The following LUC7L2 variants were observed in gnomAD, a reference collection of about 807,000 sequenced individuals.
LUC7L2 encodes LUC7 like 2, pre-mRNA splicing factor, also known as putative RNA-binding protein Luc7-like 2.
A neutral mutation model predicts 52.8 loss-of-function variants in LUC7L2; 25 were observed. The observed-to-expected ratio is 0.47, with a 90% confidence interval of 0.34 to 0.66. The LOEUF (loss-of-function observed/expected upper bound fraction) is 0.66, where lower values mean the gene tolerates loss of function less well. Ranked by LOEUF, LUC7L2 falls within the 30% of genes least tolerant of loss-of-function variation. LUC7L2 has a pLI of 0.01. For missense variants in LUC7L2, 328 were observed against 497.8 expected (o/e 0.66, Z 3.25); for synonymous variants, 144 against 160.9 (o/e 0.89, Z 0.80).
At chr7:139,420,997 C>T (rs974696566) in intron 9 of LUC7L2, among the ~76,000 whole-genome samples, 5 of 152,170 alleles carry the variant, frequency 3.3e-5, no homozygotes, top group African/African-American at 9.7e-5. Flanking sequence ...ACGGGGGTTT[C>T]ACTATGTTGG....
At chr7:139,367,862 A>G (rs1374688887) in intron 1 of LUC7L2, among the ~76,000 whole-genome samples, 4 of 152,162 alleles carry the variant, frequency 2.6e-5, no homozygotes, top group African/African-American at 9.7e-5. Flanking sequence ...GATTTCACCA[A>G]CTGGTTCCAC....
At chr7:139,409,777 T>G (rs573391359) in intron 7 of LUC7L2, 123 bp downstream of exon 7, 318 of 1,329,296 alleles carry the variant, frequency 2.4e-4, no homozygotes, top group Non-Finnish European at 2.8e-4. Context: ...TCTGCTTACT[T>G]TAAAAAATAT....
In LUC7L2 at chr7:139,422,402, T is replaced by G; in HGVS notation, c.*62T>G. The G allele has an allele frequency of 3.3e-6, 5 of 1,537,318 alleles. No individual in the cohort carries two copies. Among genetic ancestry groups the G allele is most frequent in the Non-Finnish European group, 4.4e-6 (5 of 1,144,352 alleles). ...ACGGAGTTACGTACTATTGTTTAGT[T>G]CACAGCTGTTCAGGGTGACAGTGAG... On this transcript the variant is annotated 3_prime_UTR_variant, in exon 10 of 10. Transcript: ENST00000354926.
intron 1 of LUC7L2, among the ~76,000 whole-genome samples, chr7:139,370,951 G>C (rs929993093): frequency 6.6e-6 from 1 of 152,210 alleles, no homozygotes; most frequent in African/African-American, 2.4e-5. Context: ...CAAGCTTTAA[G>C]CTTTTGGTTG....
chr7:139,390,525 G>C (rs1285681722), intron 2 of LUC7L2, among the ~76,000 whole-genome samples: 3 of 151,250 alleles, frequency 2.0e-5, no homozygotes, highest in African/African-American at 7.3e-5. Context: ...CACTGCGTCT[G>C]GCCTAGTCTG....
chr7:139,371,600 A>G (rs1054122155), intron 1 of LUC7L2: 22 of 1,119,524 alleles, frequency 2.0e-5, no homozygotes, highest in Non-Finnish European at 2.5e-5. Flanking sequence ...CATGCAAAGT[A>G]TAAAATCATG....
At chr7:139,396,307 G>A (rs1376598137) in intron 2 of LUC7L2, among the ~76,000 whole-genome samples, 1 of 152,030 alleles carries the variant, frequency 6.6e-6, no homozygotes, top group Non-Finnish European at 1.5e-5. Context: ...ATGGTGGCGG[G>A]GGACGGTGGT....
intron 1 of LUC7L2, chr7:139,374,314 A>C (rs1349887919): frequency 1.1e-6 from 1 of 946,854 alleles, no homozygotes; most frequent in Non-Finnish European, 1.6e-6. Flanking sequence ...TACAGTCAAC[A>C]TGTACTTCTA....
rs973913506 is a variant in LUC7L2 at position 139,350,891 on chromosome 7, G to C, written c.-26+10374G>C. Among the ~76,000 whole-genome samples the C allele has an allele frequency of 2.2e-4, 33 of 152,124 alleles. 1 individual carries two copies. The highest frequency in any genetic ancestry group is 5.8e-4 in the East Asian group (3 of 5,170). ...GGGTTTCACCATGTTGGCCAGGCTG[G>C]TCTCCGACTACTGACCTCGTGATTT... On this transcript the variant is annotated intron_variant, in intron 1 of 10. Coordinates refer to the LUC7L2 transcript ENST00000541170.
chr7:139,393,060 A>T (rs1377778697), intron 2 of LUC7L2, among the ~76,000 whole-genome samples: 1 of 152,036 alleles, frequency 6.6e-6, no homozygotes, highest in African/African-American at 2.4e-5. Flanking sequence ...TGAGGTGAAG[A>T]GTTTTAGACC....
intron 6 of LUC7L2, 49 bp downstream of exon 6, chr7:139,407,399 G>C: frequency 6.5e-7 from 1 of 1,544,276 alleles, no homozygotes; most frequent in Non-Finnish European, 8.7e-7. Flanking sequence ...CTTTTGATCT[G>C]TATCAGTTGC....
upstream of LUC7L2, chr7:139,359,781 C>G (rs568306168): frequency 2.5e-6 from 1 of 399,586 alleles, no homozygotes; most frequent in Admixed American, 4.4e-5. Context: ...CGCGTGCACG[C>G]GCCCAGAGCC....
At chr7:139,418,652 G>T (rs1795737811) in intron 9 of LUC7L2, among the ~76,000 whole-genome samples, 1 of 152,006 alleles carries the variant, frequency 6.6e-6, no homozygotes, top group Non-Finnish European at 1.5e-5. Context: ...CTCACAAGCT[G>T]AGTTTGTTAA....
intron 2 of LUC7L2, among the ~76,000 whole-genome samples, chr7:139,394,690 T>C (rs6467847): frequency 0.37 from 55,559 of 152,146 alleles, 14,676 homozygotes; most frequent in African/African-American, 0.75. Context: ...AGTAGACAGC[T>C]GCTTTGAATC....
intron 1 of LUC7L2, among the ~76,000 whole-genome samples, chr7:139,354,721 A>G (rs1799557089): frequency 6.6e-6 from 1 of 152,224 alleles, no homozygotes; most frequent in Admixed American, 6.5e-5. Context: ...ACTTTGAGTG[A>G]GCTATAGGAC....
intron 1 of LUC7L2, chr7:139,341,275 A>C: frequency 3.4e-6 from 5 of 1,484,326 alleles, no homozygotes; most frequent in Admixed American, 2.1e-5. Context: ...GTCAGTCGAT[A>C]GGGGGAGTCG....
chr7:139,409,784 A>C, intron 7 of LUC7L2, 130 bp downstream of exon 7: 6 of 1,312,730 alleles, frequency 4.6e-6, no homozygotes, highest in Non-Finnish European at 5.9e-6. Context: ...ACTTTAAAAA[A>C]TATTACTGTG....
intron 1 of LUC7L2, among the ~76,000 whole-genome samples, chr7:139,347,040 T>C (rs1164749936): frequency 3.9e-5 from 6 of 152,206 alleles, no homozygotes; most frequent in Non-Finnish European, 8.8e-5. Context: ...TCTATTTGCT[T>C]CTTATATCCT....
chr7:139,381,878 A>ATTTT (rs57302073), intron 2 of LUC7L2, among the ~76,000 whole-genome samples: 19 of 105,168 alleles, frequency 1.8e-4, no homozygotes, highest in East Asian at 2.8e-4. Context: ...GCCTGGCCTA[A>ATTTT]TTTTTTTTTT....
Sources: gnomAD v4.1 joint callset for allele counts (sites outside exome capture counted in the v4.1 genomes callset) on GRCh38, gnomAD v4.1.1 for gene constraint, MANE v1.5 for transcripts, NCBI Gene and HGNC (gene_info 2026-07-23, HGNC 2026-07-21) for gene names.